Variants in CDH13 observed in about 807,000 individuals in gnomAD.
The protein encoded by CDH13 is cadherin 13, also known as cadherin-13.
In CDH13, 24 loss-of-function variants were observed where a neutral mutation model predicts 63.8. The observed-to-expected ratio is 0.38, with a 90% CI of 0.27 to 0.53. CDH13 has a LOEUF of 0.53. Among genes scored for constraint, CDH13 ranks in the 20% least tolerant of loss-of-function variants. The pLI is 0.85. For missense variants in CDH13, 1,049 were observed against 903.1 expected (o/e 1.16, Z -2.07); for synonymous variants, 503 against 355.3 (o/e 1.42, Z -4.67).
chr16:82,646,628 C>T (rs1170983346), intron 1 of CDH13, among the ~76,000 whole-genome samples: 1 of 152,182 alleles, frequency 6.6e-6, no homozygotes, highest in Non-Finnish European at 1.5e-5. Context: ...TACCTGTCTT[C>T]TATGAAGTGT....
chr16:82,697,725 G>C (rs1345926539), intron 1 of CDH13, among the ~76,000 whole-genome samples: 6 of 151,004 alleles, frequency 4.0e-5, no homozygotes, highest in Non-Finnish European at 7.4e-5. Context: ...ACCGCACCTG[G>C]CTGGGCCGAG....
intron 1 of CDH13, among the ~76,000 whole-genome samples, chr16:82,830,725 G>A (rs1489656084): frequency 6.6e-6 from 1 of 152,154 alleles, no homozygotes; most frequent in Non-Finnish European, 1.5e-5. Flanking sequence ...ACACATGTTT[G>A]TTGAATAGAC....
At chr16:82,672,238 G>T (rs570881644) in intron 1 of CDH13, among the ~76,000 whole-genome samples, 2 of 152,208 alleles carry the variant, frequency 1.3e-5, no homozygotes, top group African/African-American at 2.4e-5. Flanking sequence ...TATCTCATGG[G>T]GTTATTATAA....
At chr16:83,272,646 A>G (rs572766895) in intron 5 of CDH13, among the ~76,000 whole-genome samples, 1 of 152,288 alleles carries the variant, frequency 6.6e-6, no homozygotes, top group East Asian at 1.9e-4. Flanking sequence ...GCAAATCATA[A>G]TCATTTGCGT....
chr16:82,663,269 C>T (rs1297439076), intron 1 of CDH13, among the ~76,000 whole-genome samples: 1 of 152,198 alleles, frequency 6.6e-6, no homozygotes, highest in African/African-American at 2.4e-5. Context: ...TCACCGCAAC[C>T]TCTGCCTCCT....
intron 1 of CDH13, among the ~76,000 whole-genome samples, chr16:82,848,019 A>T (rs1309426553): frequency 6.6e-6 from 1 of 152,138 alleles, no homozygotes; most frequent in Non-Finnish European, 1.5e-5. Context: ...GGGAAGAAAG[A>T]CTTGCAATTT....
intron 3 of CDH13, among the ~76,000 whole-genome samples, chr16:83,042,648 AC>A (rs1443613350): frequency 6.6e-6 from 1 of 152,184 alleles, no homozygotes; most frequent in Non-Finnish European, 1.5e-5. Flanking sequence ...CTTCCATGAA[AC>A]GGGTCTGTGG....
chr16:83,122,359 G>A (rs565308690), intron 3 of CDH13, among the ~76,000 whole-genome samples: 2 of 152,258 alleles, frequency 1.3e-5, no homozygotes, highest in Admixed American at 6.5e-5. Flanking sequence ...CTTCTTTTAT[G>A]TGAAGTGATA....
chr16:83,752,946 C>G (rs775875139), intron 11 of CDH13, among the ~76,000 whole-genome samples: 10 of 152,158 alleles, frequency 6.6e-5, no homozygotes, highest in Admixed American at 1.3e-4. Flanking sequence ...CACTTGTTGT[C>G]TAACTCTGTT....
chr16:83,140,552 C>T (rs1165393037), intron 4 of CDH13, among the ~76,000 whole-genome samples: 2 of 152,112 alleles, frequency 1.3e-5, no homozygotes. Context: ...GTCTCAGGTT[C>T]AAGTGATTTT....
intron 11 of CDH13, among the ~76,000 whole-genome samples, chr16:83,749,252 C>T (rs528212019): frequency 4.6e-5 from 7 of 152,276 alleles, no homozygotes; most frequent in African/African-American, 1.7e-4. Flanking sequence ...TAAGAGTTCT[C>T]AGTCCTGGTC....
chr16:82,654,375 A>T (rs992659286), intron 1 of CDH13, among the ~76,000 whole-genome samples: 8 of 152,256 alleles, frequency 5.3e-5, no homozygotes, highest in East Asian at 3.9e-4. Context: ...TTTCCCCTTG[A>T]GTTGTTTTGA....
intron 1 of CDH13, among the ~76,000 whole-genome samples, chr16:82,707,426 T>C (rs1184142029): frequency 6.6e-6 from 1 of 152,204 alleles, no homozygotes; most frequent in African/African-American, 2.4e-5. Flanking sequence ...CACCAGCACA[T>C]ACAGAAGGAG....
intron 2 of CDH13, among the ~76,000 whole-genome samples, chr16:82,881,052 T>C (rs2151204020): frequency 6.6e-6 from 1 of 152,374 alleles, no homozygotes; most frequent in Admixed American, 6.5e-5. Flanking sequence ...AATGCGTGGA[T>C]GCCATTAGTA....
intron 1 of CDH13, among the ~76,000 whole-genome samples, chr16:82,847,265 T>C (rs748506701): frequency 1.3e-5 from 2 of 152,194 alleles, no homozygotes; most frequent in Non-Finnish European, 2.9e-5. Context: ...AAAACGAACA[T>C]AGTATTGTAC....
intron 1 of CDH13, chr16:82,773,395 C>G (rs1335019837): frequency 6.6e-6 from 1 of 152,306 alleles, no homozygotes; most frequent in Non-Finnish European, 1.5e-5. Flanking sequence ...GCCACCCCTG[C>G]CCTGCTCCCA....
At chr16:83,519,434 A>G (rs138551479) in intron 7 of CDH13, among the ~76,000 whole-genome samples, 3 of 152,376 alleles carry the variant, frequency 2.0e-5, no homozygotes, top group Admixed American at 6.5e-5. Flanking sequence ...TGAAAAAGAA[A>G]CAAATACTTC....
intron 6 of CDH13, among the ~76,000 whole-genome samples, chr16:83,466,807 C>T (rs2073328407): frequency 6.6e-6 from 1 of 152,208 alleles, no homozygotes; most frequent in Non-Finnish European, 1.5e-5. Flanking sequence ...TACAGGAACA[C>T]CTTCACATCA....
chr16:82,842,639 T>C (rs2039082680), intron 1 of CDH13, among the ~76,000 whole-genome samples: 1 of 152,166 alleles, frequency 6.6e-6, no homozygotes, highest in Non-Finnish European at 1.5e-5. Flanking sequence ...TTTTCCCATG[T>C]ACCAGGGACA....
Sources: gnomAD v4.1 joint callset for allele counts (sites outside exome capture counted in the v4.1 genomes callset) on GRCh38, gnomAD v4.1.1 for gene constraint, MANE v1.5 for transcripts, NCBI Gene and HGNC (gene_info 2026-07-23, HGNC 2026-07-21) for gene names.